The following ATP8A2 variants were observed in gnomAD, a reference collection of about 807,000 sequenced individuals.
The protein encoded by ATP8A2 is phospholipid-transporting ATPase IB.
In ATP8A2, 100 loss-of-function variants were observed where a neutral mutation model predicts 165.6. The ratio of observed to expected loss-of-function variants is 0.60; its 90% CI spans 0.51 to 0.71. The LOEUF is 0.71. ATP8A2 is among the 30% of genes least tolerant of loss of function. The pLI is 0.00. For missense variants in ATP8A2, 1,227 were observed against 1,479.5 expected (o/e 0.83, Z 2.80); for synonymous variants, 543 against 548.8 (o/e 0.99, Z 0.15).
At chr13:25,537,382 C>T (rs2038320589) in intron 6 of ATP8A2, among the ~76,000 whole-genome samples, 2 of 152,166 alleles carry the variant, frequency 1.3e-5, no homozygotes, top group Non-Finnish European at 2.9e-5. Flanking sequence ...GGCTGTATTA[C>T]TGTGATCAAG....
At chr13:25,480,341 C>T (rs1466789112) in intron 2 of ATP8A2, among the ~76,000 whole-genome samples, 2 of 151,294 alleles carry the variant, frequency 1.3e-5, no homozygotes, top group East Asian at 2.0e-4. Context: ...CGGGCGGAGA[C>T]GCTCCTCACT....
Position 26,020,340 on chromosome 13 carries a change from T to C in ATP8A2, c.*355T>C. ...CTGGGAGAAAGGGAAAGGAGTTTTA[T>C]GTTGCGTGAGAGGCCCATCCTGTGT... On this transcript the variant is annotated 3_prime_UTR_variant, in exon 37 of 37. Transcript: ENST00000381655. The C allele has an allele frequency of 4.2e-6, 1 of 235,410 alleles. No homozygotes were observed. Among genetic ancestry groups the C allele is most frequent in the Non-Finnish European group, 8.2e-6 (1 of 121,810 alleles). The allele number at this position is 235,410 out of a possible 1,614,324, so 14.6% of individuals were successfully genotyped here. A position where few individuals can be genotyped will look rare whatever the true frequency, so the allele number is the denominator to read the frequency against.
chr13:25,435,421 A>G (rs1384642163), intron 1 of ATP8A2, among the ~76,000 whole-genome samples: 1 of 152,140 alleles, frequency 6.6e-6, no homozygotes, highest in Non-Finnish European at 1.5e-5. Context: ...GCCCGGCTGG[A>G]AATCTTTAAT....
At chr13:25,689,697 G>A (rs2042681098) in intron 24 of ATP8A2, among the ~76,000 whole-genome samples, 1 of 152,108 alleles carries the variant, frequency 6.6e-6, no homozygotes, top group South Asian at 2.1e-4. Flanking sequence ...GATTCATTGT[G>A]TCCCTCAAGT....
At chr13:25,902,574 A>G (rs1344824506) in intron 33 of ATP8A2, among the ~76,000 whole-genome samples, 2 of 151,914 alleles carry the variant, frequency 1.3e-5, no homozygotes, top group Non-Finnish European at 2.9e-5. Flanking sequence ...TCAATTTAAA[A>G]AAAAAAAAAC....
At chr13:25,886,912 G>T (rs527775416) in intron 33 of ATP8A2, among the ~76,000 whole-genome samples, 1 of 152,264 alleles carries the variant, frequency 6.6e-6, no homozygotes, top group East Asian at 1.9e-4. Context: ...GAAGAAAGGG[G>T]TAATCAGCTC....
chr13:25,765,121 A>G (rs2044464085), intron 25 of ATP8A2, among the ~76,000 whole-genome samples: 1 of 152,272 alleles, frequency 6.6e-6, no homozygotes, highest in South Asian at 2.1e-4. Context: ...GTCCCATAAA[A>G]TGAGATACTC....
At chr13:25,835,828 C>T (rs543377076) in intron 28 of ATP8A2, among the ~76,000 whole-genome samples, 54 of 152,254 alleles carry the variant, frequency 3.5e-4, no homozygotes, top group African/African-American at 1.2e-3. Flanking sequence ...TGCCTTACAC[C>T]GCACCCTCAG....
intron 25 of ATP8A2, among the ~76,000 whole-genome samples, chr13:25,740,612 T>C (rs2043890939): frequency 6.6e-6 from 1 of 152,208 alleles, no homozygotes; most frequent in South Asian, 2.1e-4. Flanking sequence ...GATGATTCTA[T>C]GTAGCTTCAT....
At chr13:25,385,910 G>T (rs1217213409) in intron 1 of ATP8A2, among the ~76,000 whole-genome samples, 2 of 149,314 alleles carry the variant, frequency 1.3e-5, no homozygotes, top group African/African-American at 5.0e-5. Flanking sequence ...CCAGACTTGG[G>T]CTTAAATTTT....
At chr13:25,435,568 T>A (rs2034735360) in intron 1 of ATP8A2, among the ~76,000 whole-genome samples, 1 of 152,212 alleles carries the variant, frequency 6.6e-6, no homozygotes, top group South Asian at 2.1e-4. Context: ...AGGTAGTACT[T>A]CTCAGGTGTA....
At chr13:25,727,224 C>T (rs1163083006) in intron 25 of ATP8A2, among the ~76,000 whole-genome samples, 2 of 152,100 alleles carry the variant, frequency 1.3e-5, no homozygotes. Context: ...AATAATCAAG[C>T]TTAACCTTTA....
At chr13:26,000,948 T>C (rs557808807) in intron 35 of ATP8A2, among the ~76,000 whole-genome samples, 23 of 152,332 alleles carry the variant, frequency 1.5e-4, no homozygotes, top group African/African-American at 4.8e-4. Flanking sequence ...CACAGTGTTG[T>C]ATAACCATTA....
At chr13:25,735,988 A>G (rs1039171841) in intron 25 of ATP8A2, among the ~76,000 whole-genome samples, 4 of 152,132 alleles carry the variant, frequency 2.6e-5, no homozygotes, top group African/African-American at 9.7e-5. Flanking sequence ...CTTTTATATC[A>G]TATTTTTACC....
At chr13:25,628,350 G>T (rs892800725) in intron 24 of ATP8A2, among the ~76,000 whole-genome samples, 1 of 152,066 alleles carries the variant, frequency 6.6e-6, no homozygotes, top group Non-Finnish European at 1.5e-5. Flanking sequence ...TAATCCTGCT[G>T]TATGTCCTGA....
intron 27 of ATP8A2, among the ~76,000 whole-genome samples, chr13:25,815,950 G>A (rs928401336): frequency 1.3e-5 from 2 of 152,218 alleles, no homozygotes; most frequent in Non-Finnish European, 2.9e-5. Flanking sequence ...AATATTGCAT[G>A]ATTTCATAGA....
intron 1 of ATP8A2, among the ~76,000 whole-genome samples, chr13:25,375,233 G>T (rs1236319780): frequency 1.3e-5 from 2 of 152,204 alleles, no homozygotes; most frequent in African/African-American, 4.8e-5. Context: ...TATGTGCCCG[G>T]CATGGTTCTA....
chr13:25,666,573 T>G (rs2137723678), intron 24 of ATP8A2, among the ~76,000 whole-genome samples: 1 of 152,288 alleles, frequency 6.6e-6, no homozygotes, highest in African/African-American at 2.4e-5. Context: ...GATTCCAAGC[T>G]AAGTTTTGCT....
chr13:25,405,729 T>C (rs1043958376), intron 1 of ATP8A2, among the ~76,000 whole-genome samples: 1 of 152,200 alleles, frequency 6.6e-6, no homozygotes, highest in Non-Finnish European at 1.5e-5. Flanking sequence ...TATCATGTAT[T>C]AGAAACAAAG....
Sources: gnomAD v4.1 joint callset for allele counts (sites outside exome capture counted in the v4.1 genomes callset) on GRCh38, gnomAD v4.1.1 for gene constraint, MANE v1.5 for transcripts, NCBI Gene and HGNC (gene_info 2026-07-23, HGNC 2026-07-21) for gene names.